WSCD1: variants seen among roughly 807,000 people sequenced by gnomAD.
WSCD1 encodes the protein WSC domain sialate O sulfotransferase 1.
WSCD1 carries 41 observed loss-of-function variants against 60.4 expected under a neutral mutation model. The ratio of observed to expected loss-of-function variants is 0.68; its 90% confidence interval spans 0.53 to 0.88. The LOEUF is 0.88. Among genes scored for constraint, WSCD1 ranks in the 40% least tolerant of loss-of-function variants. The pLI is 0.00. For missense variants in WSCD1, 784 were observed against 796.2 expected, an observed-to-expected ratio of 0.98 and a Z score of 0.18; for synonymous variants, 361 against 332.5, an observed-to-expected ratio of 1.09 and a Z score of -0.93.
chr17:6,073,669 G>T (rs965607934), intron 1 of WSCD1, among the ~76,000 whole-genome samples: 3 of 152,222 alleles, frequency 2.0e-5, no homozygotes, highest in Admixed American at 6.5e-5. Flanking sequence ...CCAGAGATAG[G>T]CTGGAAAAGG....
chr17:6,120,245 C>G (rs960543998), intron 8 of WSCD1, 64 bp from the exon 9 acceptor site: 7 of 1,553,514 alleles, frequency 4.5e-6, no homozygotes, highest in Non-Finnish European at 6.1e-6. Flanking sequence ...GAGCAGCCCC[C>G]CGGGGACCGG....
At chr17:6,097,276 C>T (rs995240709) in intron 5 of WSCD1, among the ~76,000 whole-genome samples, 15 of 152,234 alleles carry the variant, frequency 9.9e-5, no homozygotes, top group African/African-American at 2.7e-4. Context: ...ATTAGTGTTT[C>T]GGACTAGTTT....
At chr17:6,095,416 A>G (rs1005918201) in intron 5 of WSCD1, among the ~76,000 whole-genome samples, 193 bp downstream of exon 5, 1 of 152,180 alleles carries the variant, frequency 6.6e-6, no homozygotes, top group Non-Finnish European at 1.5e-5. Flanking sequence ...GCCTCTGTCC[A>G]CCATGTGAGG....
chr17:6,123,988 A>G lies in WSCD1; in HGVS notation c.*3327A>G, dbSNP rs1904863993. ...CATTCCTCCATTTCCTTTCCCAGCAACCCCCCATTTCTGTTTGGGAATTCA... is the reference window on the plus strand; with the variant it reads ...CATTCCTCCATTTCCTTTCCCAGCAGCCCCCCATTTCTGTTTGGGAATTCA... On this transcript the variant is annotated 3_prime_UTR_variant, in exon 9 of 9. Coordinates refer to ENST00000317744, the MANE Select transcript of WSCD1 (RefSeq NM_015253.2). The G allele has an allele frequency of 6.6e-6, 1 of 151,210 alleles. No homozygotes were observed. Among genetic ancestry groups the G allele is most frequent in the Admixed American group, 6.6e-5 (1 of 15,168 alleles). The allele number at this position is 151,210 out of a possible 1,614,324, so 9.4% of individuals were successfully genotyped here.
At chr17:6,102,692 A>T (rs1910872734) in intron 5 of WSCD1, among the ~76,000 whole-genome samples, 1 of 152,104 alleles carries the variant, frequency 6.6e-6, no homozygotes, top group Non-Finnish European at 1.5e-5. Flanking sequence ...ATAAACATTG[A>T]CTCATTCCTT....
chr17:6,072,023 C>T (rs1419403371), intron 1 of WSCD1, among the ~76,000 whole-genome samples: 2 of 152,226 alleles, frequency 1.3e-5, no homozygotes, highest in East Asian at 1.9e-4. Context: ...TCATCTTCTC[C>T]GCCAGAAGGC....
chr17:6,098,148 G>T, intron 5 of WSCD1, among the ~76,000 whole-genome samples: 1 of 119,604 alleles, frequency 8.4e-6, no homozygotes, highest in Non-Finnish European at 1.8e-5. Context: ...AGAGACAGGG[G>T]GGCGGGGTGG....
chr17:6,112,060 G>A (rs954486738), intron 7 of WSCD1, among the ~76,000 whole-genome samples: 1 of 151,942 alleles, frequency 6.6e-6, no homozygotes, highest in East Asian at 1.9e-4. Flanking sequence ...AAAACCTATG[G>A]GATACAGCAA....
intron 2 of WSCD1, among the ~76,000 whole-genome samples, chr17:6,084,628 C>T (rs901070375): frequency 5.3e-5 from 8 of 152,210 alleles, no homozygotes; most frequent in South Asian, 4.1e-4. Context: ...AAAATAGTAA[C>T]TTCTCCATAG....
At position 6,116,911 on chromosome 17, in the gene WSCD1, G is replaced by T. The variant is rs1212903362; in HGVS notation, c.1175-1077G>T. Among the ~76,000 whole-genome samples, 3 of 152,184 alleles carry T rather than the reference G, an allele frequency of 2.0e-5. No individual in the cohort carries two copies. In the East Asian group the frequency reaches 5.8e-4, roughly 29 times the overall value. Reference sequence around the variant, plus strand: ...CAGGGCTGGGAGCATGGGCTACATTGGGTGTGGCCAGGAGACTAGTTTCAG... The same window carrying T: ...CAGGGCTGGGAGCATGGGCTACATTTGGTGTGGCCAGGAGACTAGTTTCAG... On this transcript the variant is annotated intron_variant, in intron 7 of 8. Coordinates refer to ENST00000317744, the MANE Select transcript of WSCD1 (RefSeq NM_015253.2).
chr17:6,089,770 A>G (rs1482854745), intron 3 of WSCD1, among the ~76,000 whole-genome samples: 3 of 152,188 alleles, frequency 2.0e-5, no homozygotes, highest in Admixed American at 6.5e-5. Flanking sequence ...ATTTAGACCC[A>G]TTATAACCTG....
At chr17:6,117,906 CT>C in intron 7 of WSCD1, 81 bp from the exon 8 acceptor site, 1 of 1,458,062 alleles carries the variant, frequency 6.9e-7, no homozygotes, top group Non-Finnish European at 9.5e-7. Context: ...CTGATGCCAG[CT>C]TTACCCAATC....
At chr17:6,098,933 G>A (rs1208738561) in intron 5 of WSCD1, among the ~76,000 whole-genome samples, 1 of 152,118 alleles carries the variant, frequency 6.6e-6, no homozygotes, top group Non-Finnish European at 1.5e-5. Flanking sequence ...TTTGGGAAGG[G>A]TTGGAACTGG....
intron 5 of WSCD1, among the ~76,000 whole-genome samples, chr17:6,107,310 G>A (rs569358817): frequency 6.6e-6 from 1 of 152,230 alleles, no homozygotes; most frequent in East Asian, 1.9e-4. Flanking sequence ...AGACCAGACT[G>A]GCCAACGTGG....
intron 3 of WSCD1, 77 bp from the exon 4 acceptor site, chr17:6,090,244 C>T: frequency 7.2e-7 from 1 of 1,383,126 alleles, no homozygotes; most frequent in East Asian, 2.6e-5. Context: ...CTACATCAAG[C>T]TGAAACAGTC....
chr17:6,080,547 G>T lies in WSCD1; in HGVS notation c.-112G>T, dbSNP rs1226333135. Reference sequence around the variant, plus strand: ...AGTGACCCCAGGCGAGCACAGGCAGGTGCCAGGAGCCAGGATGCAAGGATG... The same window carrying T: ...AGTGACCCCAGGCGAGCACAGGCAGTTGCCAGGAGCCAGGATGCAAGGATG... On this transcript the variant is annotated 5_prime_UTR_variant, in exon 2 of 9. Transcript: ENST00000317744. This position sits in a 1 kb window ranked among gnomAD's most constrained non-coding sequence, Gnocchi z 6.6. 8.6e-7 allele frequency: 1 copy of T among 1,163,108 alleles called. No homozygotes were observed. The highest frequency in any genetic ancestry group is 2.4e-5 in the East Asian group (1 of 41,842). The allele number at this position is 1,163,108 out of a possible 1,614,324, so 72.0% of individuals were successfully genotyped here.
intron 6 of WSCD1, 41 bp downstream of exon 6, chr17:6,109,807 G>A: frequency 6.3e-7 from 1 of 1,594,408 alleles, no homozygotes. Flanking sequence ...ATTTGGTCTG[G>A]GGGGTGGGGA....
upstream of WSCD1, among the ~76,000 whole-genome samples, chr17:6,069,774 G>GGTGTGTGT (rs746125445): frequency 9.4e-6 from 1 of 106,490 alleles, no homozygotes; most frequent in Non-Finnish European, 2.0e-5. Flanking sequence ...ACGGTGATCC[G>GGTGTGTGT]GTGTGTGTGT....
chr17:6,094,894 C>A (rs934727999), intron 4 of WSCD1, among the ~76,000 whole-genome samples: 2 of 150,600 alleles, frequency 1.3e-5, no homozygotes, highest in Non-Finnish European at 3.0e-5. Flanking sequence ...TGTAGATGAC[C>A]CTGGACGGTC....
Sources: gnomAD v4.1 joint callset for allele counts (sites outside exome capture counted in the v4.1 genomes callset) on GRCh38, gnomAD v4.1.1 for gene constraint, Gnocchi (gnomAD v3.1) non-coding constraint, MANE v1.5 for transcripts, NCBI Gene and HGNC (gene_info 2026-07-23, HGNC 2026-07-21) for gene names.